DROSHA: variants seen among roughly 807,000 people sequenced by gnomAD.
DROSHA encodes drosha ribonuclease III.
DROSHA carries 56 observed loss-of-function variants against 181.9 expected under a neutral mutation model. That is an observed-to-expected ratio of 0.31 (90% CI 0.25 to 0.38). The LOEUF (loss-of-function observed/expected upper bound fraction) is 0.38. DROSHA is among the 10% of genes least tolerant of loss of function. DROSHA has a pLI of 1.00. For synonymous variants in DROSHA, 524 were observed against 591.2 expected, an observed-to-expected ratio of 0.89 and a Z score of 1.65; for missense variants, 1,218 against 1,743.5, an observed-to-expected ratio of 0.70 and a Z score of 5.37.
chr5:31,493,909 T>C (rs1306609718), intron 12 of DROSHA, among the ~76,000 whole-genome samples: 1 of 151,496 alleles, frequency 6.6e-6, no homozygotes. Flanking sequence ...AAGCCCTCTA[T>C]TCCTTATGCC....
intron 14 of DROSHA, among the ~76,000 whole-genome samples, chr5:31,486,283 T>C (rs12656128): frequency 0.11 from 16,685 of 152,152 alleles, 1,193 homozygotes; most frequent in East Asian, 0.23. Flanking sequence ...GAAAGGGGTA[T>C]AAAAACAGGT....
intron 23 of DROSHA, 41 bp downstream of exon 23, chr5:31,448,506 A>C: frequency 6.5e-7 from 1 of 1,543,284 alleles, no homozygotes; most frequent in East Asian, 2.3e-5. Flanking sequence ...TAGTACGTGA[A>C]TTATATATCA....
intron 23 of DROSHA, among the ~76,000 whole-genome samples, chr5:31,445,533 T>C (rs996655435): frequency 2.0e-5 from 3 of 152,176 alleles, no homozygotes; most frequent in South Asian, 4.1e-4. Flanking sequence ...CTCTTGTGAA[T>C]ACAGACACAC....
chr5:31,415,744 A>G (rs1741869592), intron 30 of DROSHA, among the ~76,000 whole-genome samples: 1 of 152,214 alleles, frequency 6.6e-6, no homozygotes, highest in Admixed American at 6.5e-5. Flanking sequence ...GCAAAGAGTA[A>G]AGGCTAAGAA....
chr5:31,482,891 A>G (rs1751197639), intron 16 of DROSHA, among the ~76,000 whole-genome samples: 1 of 152,012 alleles, frequency 6.6e-6, no homozygotes, highest in Non-Finnish European at 1.5e-5. Context: ...CACTGGGCTC[A>G]AGCGATCCTT....
rs956662356 is a variant in DROSHA at position 31,514,445 on chromosome 5, A to G, written c.1290+543T>C. 1.3e-5 allele frequency among the ~76,000 whole-genome samples: 2 copies of G among 152,096 alleles called. No individual in the cohort carries two copies. Among genetic ancestry groups the G allele is most frequent in the Admixed American group, 6.6e-5 (1 of 15,266 alleles). On this transcript the variant is annotated intron_variant, in intron 8 of 35. Coordinates refer to ENST00000344624, the MANE Select transcript of DROSHA (RefSeq NM_001382508.1). The surrounding 1 kb of genome is among the most constrained non-coding windows in gnomAD (Gnocchi z 4.4). Reference sequence around the variant, plus strand: ...TGCTTGAGCTCAGGAGTTCGAGACCAGAGTGGGCAACATAGTATGACCTCA... The same window carrying G: ...TGCTTGAGCTCAGGAGTTCGAGACCGGAGTGGGCAACATAGTATGACCTCA...
intron 16 of DROSHA, among the ~76,000 whole-genome samples, chr5:31,477,891 G>A (rs1750594949): frequency 6.6e-6 from 1 of 152,178 alleles, no homozygotes; most frequent in Admixed American, 6.5e-5. Context: ...CTATGATTTG[G>A]TTTCTGGTAA....
Position 31,401,582 on chromosome 5 carries a change from T to G in DROSHA, c.3995-20A>C. The G allele has an allele frequency of 7.2e-7, 1 of 1,383,634 alleles. No homozygotes were observed. The highest frequency in any genetic ancestry group is 9.4e-7 in the Non-Finnish European group (1 of 1,064,368). 85.7% of individuals were successfully genotyped at this position (1,383,634 alleles called of 1,614,324 possible). ...AATTATCTGACACAAGGAAATATAT[T>G]TTATATTTAATAAAATTATATTTAA... On this transcript the variant is annotated intron_variant, in intron 35 of 35. Coordinates refer to ENST00000344624, the MANE Select transcript of DROSHA (RefSeq NM_001382508.1).
chr5:31,424,321 C>T (rs527526623), intron 28 of DROSHA, 106 bp downstream of exon 28: 4 of 1,409,092 alleles, frequency 2.8e-6, no homozygotes, highest in African/African-American at 2.9e-5. Context: ...ACAATGCCAC[C>T]GAAGAGAATC....
chr5:31,472,136 A>G lies in DROSHA; in HGVS notation c.2168T>C (p.Leu723Pro). 6.2e-7 allele frequency: 1 copy of G among 1,613,910 alleles called. No homozygotes were observed. The highest frequency in any genetic ancestry group is 8.5e-7 in the Non-Finnish European group (1 of 1,179,868). The change falls in exon 17 of 36, where the codon CTT (leucine) becomes CCT (proline). Residue 723 changes from leucine (L) to proline (P), a missense_variant. Physicochemically the swap from Leu to Pro is moderately conservative, Grantham distance 98. Around this residue, in one of 8 missense-constraint regions of DROSHA, gnomAD observed 460 missense variants for 774.2 expected, o/e 0.59. Coordinates refer to ENST00000344624, the MANE Select transcript of DROSHA (RefSeq NM_001382508.1). The stretch of plus-strand genomic sequence containing the variant: ...CTGCCACTCCAGCTCCTCCCACTGA[A>G]GCATATTGGCAATCTCCTCCTCAGG... The part of the protein sequence containing the change: ...LVPEEEIANM[L>P]QWEELEWQKY...
At chr5:31,504,446 G>T (rs1020636565) in intron 11 of DROSHA, 109 bp downstream of exon 11, 9 of 1,227,848 alleles carry the variant, frequency 7.3e-6, no homozygotes, top group Non-Finnish European at 9.2e-6. Flanking sequence ...TAGGGAATAT[G>T]AAGAGAATTT....
At chr5:31,525,019 ACC>A (rs1257072404) in intron 5 of DROSHA, among the ~76,000 whole-genome samples, 1 of 151,724 alleles carries the variant, frequency 6.6e-6, no homozygotes, top group Non-Finnish European at 1.5e-5. Context: ...ACATGGTAAA[ACC>A]CCGTCTCTAC....
In DROSHA at chr5:31,401,225, C is replaced by A; in HGVS notation, c.*207G>T. The A allele has an allele frequency of 5.1e-6, 3 of 587,170 alleles. No individual in the cohort carries two copies. The highest frequency in any genetic ancestry group is 3.8e-5 in the South Asian group (2 of 53,168). 36.4% of individuals were successfully genotyped at this position (587,170 alleles called of 1,614,324 possible). On this transcript the variant is annotated 3_prime_UTR_variant, in exon 36 of 36. Transcript: ENST00000344624. Reference sequence around the variant, plus strand: ...TGCACATTCACCAAAGTCAAGTTTTCCGTTAAATAGAAGAAAAATCTAATA... The same window carrying A: ...TGCACATTCACCAAAGTCAAGTTTTACGTTAAATAGAAGAAAAATCTAATA...
chr5:31,494,775 C>T (rs943152205), intron 12 of DROSHA, among the ~76,000 whole-genome samples: 1 of 151,888 alleles, frequency 6.6e-6, no homozygotes, highest in Non-Finnish European at 1.5e-5. Flanking sequence ...CCTGGGTTCA[C>T]GCCATTCTCC....
chr5:31,483,494 T>G, intron 16 of DROSHA, 60 bp downstream of exon 16: 1 of 1,553,794 alleles, frequency 6.4e-7, no homozygotes, highest in Non-Finnish European at 8.8e-7. Context: ...GAAAGGAAAA[T>G]GGCAAGCTTA....
chr5:31,520,691 A>G (rs934202205), intron 6 of DROSHA, among the ~76,000 whole-genome samples: 1 of 152,168 alleles, frequency 6.6e-6, no homozygotes, highest in African/African-American at 2.4e-5. Flanking sequence ...TAAGACCACA[A>G]AATTTTACTT....
intron 10 of DROSHA, 85 bp downstream of exon 10, chr5:31,508,536 A>C (rs1738265987): frequency 1.3e-6 from 2 of 1,577,374 alleles, no homozygotes; most frequent in South Asian, 2.3e-5. Flanking sequence ...TTTCAATACT[A>C]GGCAACATGT....
At chr5:31,495,470 G>C (rs1459869227) in intron 11 of DROSHA, 98 bp from the exon 12 acceptor site, 17 of 1,138,594 alleles carry the variant, frequency 1.5e-5, no homozygotes, top group Non-Finnish European at 2.1e-5. Context: ...AACAAAACAG[G>C]TTTTATGTCT....
Position 31,454,768 on chromosome 5 carries a change from G to A in DROSHA, c.2575-3128C>T, listed in dbSNP as rs572989871. 7.9e-5 allele frequency among the ~76,000 whole-genome samples: 12 copies of A among 151,834 alleles called. No homozygotes were observed. The South Asian group carries it at 1.0e-3, about 13-fold the overall frequency. On this transcript the variant is annotated intron_variant, in intron 20 of 35. Transcript: ENST00000344624. Reference sequence around the variant, plus strand: ...ATCCTGGCTAACATGGTGAGACCCCGTCTCTACTAAAAACACAAAAAATTA... The same window carrying A: ...ATCCTGGCTAACATGGTGAGACCCCATCTCTACTAAAAACACAAAAAATTA...
Sources: allele counts gnomAD v4.1 joint callset (sites outside exome capture counted in the v4.1 genomes callset), GRCh38; gene constraint gnomAD v4.1.1; regional missense constraint gnomAD v4.1.1; non-coding constraint Gnocchi (gnomAD v3.1); transcripts MANE v1.5; gene names NCBI Gene and HGNC (gene_info 2026-07-23, HGNC 2026-07-21).